The following KANSL1 variants were observed in gnomAD, a reference collection of about 807,000 sequenced individuals.
KANSL1 encodes KAT8 regulatory NSL complex subunit 1.
KANSL1 carries 22 observed loss-of-function variants against 103.6 expected under a neutral mutation model. That is an observed-to-expected ratio of 0.21 (90% CI 0.15 to 0.30). The LOEUF (loss-of-function observed/expected upper bound fraction) is 0.30, where lower values mean the gene tolerates loss of function less well. Ranked by LOEUF, KANSL1 falls within the 10% of genes least tolerant of loss-of-function variation. The pLI is 1.00. For missense variants in KANSL1, 1,337 were observed against 1,399.8 expected (o/e 0.96, Z 0.72); for synonymous variants, 600 against 527.6 (o/e 1.14, Z -1.88).
intron 1 of KANSL1, among the ~76,000 whole-genome samples, chr17:46,187,038 G>A (rs1165284786): frequency 1.3e-5 from 2 of 152,132 alleles, no homozygotes; most frequent in African/African-American, 4.8e-5. Context: ...AGCCCAGGCT[G>A]GTATTTCTAT....
At chr17:46,100,636 TTATTA>T (rs1200993113) in intron 2 of KANSL1, among the ~76,000 whole-genome samples, 13 of 152,222 alleles carry the variant, frequency 8.5e-5, no homozygotes, top group Non-Finnish European at 1.5e-4. Context: ...TCTTTTGTAT[TTATTA>T]GATAAGTAGC....
chr17:46,031,876 T>C, intron 14 of KANSL1, 171 bp downstream of exon 14: 1 of 1,080,396 alleles, frequency 9.3e-7, no homozygotes, highest in Non-Finnish European at 1.3e-6. Flanking sequence ...TATTGATCAT[T>C]TAGCAGTGAT....
chr17:46,031,331 A>T lies in KANSL1; in HGVS notation c.*145T>A. The T allele has an allele frequency of 1.2e-6, 1 of 805,554 alleles. No individual in the cohort carries two copies. The highest frequency in any genetic ancestry group is 1.9e-6 in the Non-Finnish European group (1 of 522,962). The allele number at this position is 805,554 out of a possible 1,614,324, so 49.9% of individuals were successfully genotyped here. A position where few individuals can be genotyped will look rare whatever the true frequency, so the allele number is the denominator to read the frequency against. The stretch of plus-strand genomic sequence containing the variant: ...AAAACAAAAATTAAAACAAGAAAAA[A>T]AAATACCAAAGTAGGATCTAAATTC... On this transcript the variant is annotated 3_prime_UTR_variant, in exon 15 of 15. Transcript: ENST00000432791.
At chr17:46,172,303 G>T in intron 1 of KANSL1, 71 bp from the exon 2 acceptor site, 1 of 773,956 alleles carries the variant, frequency 1.3e-6, no homozygotes, top group Non-Finnish European at 2.0e-6. Flanking sequence ...TTTAACAAAA[G>T]CACTACTTGA....
chr17:46,169,066 T>C (rs1276195808), intron 2 of KANSL1, among the ~76,000 whole-genome samples: 6 of 152,260 alleles, frequency 3.9e-5, no homozygotes, highest in African/African-American at 1.2e-4. Context: ...TGCTTTTCTG[T>C]TACTCAAAAT....
chr17:46,114,316 G>C (rs62061847), intron 2 of KANSL1, among the ~76,000 whole-genome samples: 1 of 152,068 alleles, frequency 6.6e-6, no homozygotes, highest in African/African-American at 2.4e-5. Flanking sequence ...CCAAGATCGC[G>C]CCATTGCACT....
At chr17:46,074,204 C>T (rs564215821) in intron 4 of KANSL1, among the ~76,000 whole-genome samples, 5 of 152,090 alleles carry the variant, frequency 3.3e-5, no homozygotes, top group African/African-American at 7.2e-5. Flanking sequence ...AAAATATAAG[C>T]GGTACATGCT....
intron 2 of KANSL1, among the ~76,000 whole-genome samples, chr17:46,129,997 G>A (rs2043770606): frequency 6.6e-6 from 1 of 151,848 alleles, no homozygotes; most frequent in African/African-American, 2.4e-5. Context: ...ACCAGCCCGG[G>A]CAACATGGTG....
chr17:46,059,048 GA>G (rs111461865), intron 6 of KANSL1, among the ~76,000 whole-genome samples: 122 of 108,274 alleles, frequency 1.1e-3, no homozygotes, highest in Middle Eastern at 5.1e-3. Context: ...CTCCATCTCG[GA>G]AAAAAAAAAA....
intron 2 of KANSL1, among the ~76,000 whole-genome samples, chr17:46,104,575 T>C (rs960389451): frequency 1.3e-4 from 20 of 152,250 alleles, no homozygotes; most frequent in Non-Finnish European, 2.5e-4. Flanking sequence ...TGTGCACATG[T>C]AGTTTACAAG....
At chr17:46,211,927 T>C (rs2048180190) in intron 1 of KANSL1, among the ~76,000 whole-genome samples, 1 of 152,216 alleles carries the variant, frequency 6.6e-6, no homozygotes, top group African/African-American at 2.4e-5. Flanking sequence ...AGGCCCTAAA[T>C]TTCTGAGGTT....
At chr17:46,137,857 ACT>A (rs2147335681) in intron 2 of KANSL1, among the ~76,000 whole-genome samples, 1 of 148,310 alleles carries the variant, frequency 6.7e-6, no homozygotes, top group African/African-American at 2.6e-5. Context: ...ACACAGCGAG[ACT>A]CTGTCTCAAA....
At chr17:46,037,123 A>G (rs2077174856) in intron 10 of KANSL1, among the ~76,000 whole-genome samples, 1 of 152,216 alleles carries the variant, frequency 6.6e-6, no homozygotes, top group Non-Finnish European at 1.5e-5. Flanking sequence ...AATGGTAAAA[A>G]TTTCAAGTGA....
At position 46,193,003 on chromosome 17, in the gene KANSL1, G is replaced by C. The variant is rs940953406; in HGVS notation, c.-270C>G. ...CCGGAGCCGCCCTGACTTTCCGGGC[G>C]GGGGGGCGAGGCAGAGGGGGAGGGG... On this transcript the variant is annotated 5_prime_UTR_variant, in exon 1 of 15. Transcript: ENST00000432791. 1.3e-5 allele frequency: 2 copies of C among 151,890 alleles called. No homozygotes were observed. Among genetic ancestry groups the C allele is most frequent in the Non-Finnish European group, 2.9e-5 (2 of 68,202 alleles). 9.4% of individuals were successfully genotyped at this position (151,890 alleles called of 1,614,324 possible). A position where few individuals can be genotyped will look rare whatever the true frequency, so the allele number is the denominator to read the frequency against.
At chr17:46,196,488 A>T (rs200002851), upstream of KANSL1, 3 of 454,824 alleles carry the variant, frequency 6.6e-6, no homozygotes, top group East Asian at 2.1e-4. Context: ...TCAGACAGTG[A>T]CACCTCAAAC....
chr17:46,130,306 C>CT (rs2043800624), intron 2 of KANSL1, among the ~76,000 whole-genome samples: 1 of 151,962 alleles, frequency 6.6e-6, no homozygotes, highest in African/African-American at 2.4e-5. Flanking sequence ...GGGATTTTCC[C>CT]TTTAAGTGTT....
Position 46,050,597 on chromosome 17 carries a change from G to A in KANSL1, c.1956C>T (p.Ala652=). ...NTMPPEIHYE[A]PLLERLSQLD... is the part of the protein sequence containing the mutation. ...ACTGGGAAAGACGTTCCAACAGAGG[G>A]GCTTCATAGTGAATTTCGGGAGGCA... Residue 652 remains alanine (A), a synonymous_variant, in exon 7 of 15, where the codon GCC becomes GCT. Coordinates refer to ENST00000432791, the MANE Select transcript of KANSL1 (RefSeq NM_015443.4). 6.2e-7 allele frequency: 1 copy of A among 1,614,092 alleles called. No homozygotes were observed.
chr17:46,134,254 G>A (rs985665805), intron 2 of KANSL1, among the ~76,000 whole-genome samples: 13 of 151,938 alleles, frequency 8.6e-5, no homozygotes, highest in African/African-American at 3.1e-4. Context: ...AAAACTAGCT[G>A]AGCGTGGTGG....
chr17:46,159,119 G>C (rs991080894), intron 2 of KANSL1, among the ~76,000 whole-genome samples: 7 of 152,176 alleles, frequency 4.6e-5, no homozygotes, highest in African/African-American at 1.7e-4. Context: ...GGACCCTGTG[G>C]AAACTGCATG....
Sources: gnomAD v4.1 joint callset for allele counts (sites outside exome capture counted in the v4.1 genomes callset) on GRCh38, gnomAD v4.1.1 for gene constraint, MANE v1.5 for transcripts, NCBI Gene and HGNC (gene_info 2026-07-23, HGNC 2026-07-21) for gene names.